Variants in ERI1 observed in about 807,000 individuals in gnomAD.
The protein encoded by ERI1 is 3'-5' exoribonuclease 1.
In ERI1, 39 loss-of-function variants were observed where a neutral mutation model predicts 39.7. The observed-to-expected ratio is 0.98, with a 90% CI of 0.76 to 1.28. ERI1 has a LOEUF of 1.28. Among genes scored for constraint, ERI1 ranks in the 50% most tolerant of loss-of-function variants. The pLI is 0.00. For synonymous variants in ERI1, 204 were observed against 149.6 expected (o/e 1.36, Z -2.65); for missense variants, 581 against 416.9 (o/e 1.39, Z -3.43).
In ERI1 at chr8:9,016,362, C is replaced by G; in HGVS notation, c.539C>G (p.Thr180Arg). The stretch of plus-strand genomic sequence containing the variant: ...CAGTATGTAAGACCAGAGATTAACA[C>G]ACAGCTGTCTGATTTCTGCATCAGT... ...FQQYVRPEIN[T>R]QLSDFCISLT... The change falls in exon 4 of 7, where the codon ACA (threonine) becomes AGA (arginine). Residue 180 changes from threonine to arginine, a missense_variant. Coordinates refer to ENST00000250263, the MANE Select transcript of ERI1 (RefSeq NM_153332.4). 1 of 1,607,416 alleles carries G rather than the reference C, an allele frequency of 6.2e-7. No individual in the cohort carries two copies. Among genetic ancestry groups the G allele is most frequent in the Non-Finnish European group, 8.5e-7 (1 of 1,176,566 alleles).
intron 3 of ERI1, among the ~76,000 whole-genome samples, chr8:9,087,823 G>C (rs1799579329): frequency 6.6e-6 from 1 of 152,120 alleles, no homozygotes; most frequent in Non-Finnish European, 1.5e-5. Flanking sequence ...ATTCAGGTAG[G>C]GACAACACAT....
At chr8:9,072,232 G>T (rs1247929007) in intron 3 of ERI1, among the ~76,000 whole-genome samples, 1 of 152,180 alleles carries the variant, frequency 6.6e-6, no homozygotes, top group Non-Finnish European at 1.5e-5. Flanking sequence ...GCCCTGTGAG[G>T]TTGCCGTGTT....
intron 6 of ERI1, among the ~76,000 whole-genome samples, chr8:9,025,746 A>G (rs758784264): frequency 1.3e-5 from 2 of 151,668 alleles, no homozygotes; most frequent in Non-Finnish European, 2.9e-5. Flanking sequence ...TACATAATAC[A>G]GGTTGAGTAT....
intron 1 of ERI1, among the ~76,000 whole-genome samples, chr8:9,006,897 G>C (rs543120663): frequency 1.6e-4 from 25 of 152,302 alleles, no homozygotes; most frequent in Admixed American, 1.6e-3. Flanking sequence ...ATCAGGATCA[G>C]TTCTGAGTTA....
chr8:9,048,054 C>A (rs1320871107), intron 3 of ERI1, among the ~76,000 whole-genome samples: 2 of 152,212 alleles, frequency 1.3e-5, no homozygotes. Context: ...GAACCTAGGT[C>A]CCCCAGACTC....
At chr8:9,027,149 ATGTGTGTG>A (rs140641752) in intron 6 of ERI1, among the ~76,000 whole-genome samples, 98 of 141,774 alleles carry the variant, frequency 6.9e-4, no homozygotes, top group African/African-American at 2.5e-3. Flanking sequence ...GTGTGTGTGT[ATGTGTGTG>A]TGTGTGTGTG....
intron 3 of ERI1, among the ~76,000 whole-genome samples, chr8:9,096,585 G>A (rs982095646): frequency 1.3e-5 from 2 of 152,102 alleles, no homozygotes; most frequent in Non-Finnish European, 2.9e-5. Context: ...GGCTGACCTC[G>A]GAAGTGTGGT....
chr8:9,083,094 T>G (rs918277987), intron 3 of ERI1, among the ~76,000 whole-genome samples: 2 of 152,228 alleles, frequency 1.3e-5, no homozygotes, highest in East Asian at 3.8e-4. Context: ...GGCCCTGCAT[T>G]TTTTATTTGC....
Position 9,020,901 on chromosome 8 carries a change from G to A in ERI1, c.807+437G>A, listed in dbSNP as rs1817816661. On this transcript the variant is annotated intron_variant, in intron 6 of 6. Coordinates refer to ENST00000250263, the MANE Select transcript of ERI1 (RefSeq NM_153332.4). ...TCTGAGGCAAACACTTTCAACTTAT[G>A]TAAAGCTCTGTTTTTGTTTTTGTTT... 2.0e-5 allele frequency among the ~76,000 whole-genome samples: 3 copies of A among 152,244 alleles called. No homozygotes were observed. In the South Asian group the frequency reaches 6.2e-4, roughly 32 times the overall value.
At chr8:9,067,451 GGT>G (rs1798916092) in intron 3 of ERI1, among the ~76,000 whole-genome samples, 1 of 149,832 alleles carries the variant, frequency 6.7e-6, no homozygotes, top group African/African-American at 2.5e-5. Context: ...AAAAAAGAAA[GGT>G]GACCTAGCCT....
At chr8:9,059,254 G>A (rs1395798413) in intron 3 of ERI1, among the ~76,000 whole-genome samples, 2 of 152,192 alleles carry the variant, frequency 1.3e-5, no homozygotes, top group African/African-American at 4.8e-5. Context: ...CGGCCATCTG[G>A]ATGTGTACAT....
In ERI1 at chr8:9,031,204, A is replaced by C. The variant is rs1355134147; in HGVS notation, c.*1170A>C. ...AAAAATTGTGATGCTACTTTATTCT[A>C]AAGATTTATATTTTATAACCAGATG... is the stretch of plus-strand genomic sequence containing the variant. On this transcript the variant is annotated 3_prime_UTR_variant, in exon 7 of 7. Coordinates refer to ENST00000250263, the MANE Select transcript of ERI1 (RefSeq NM_153332.4). 1 of 152,316 alleles carries C rather than the reference A, an allele frequency of 6.6e-6. No homozygotes were observed. Among genetic ancestry groups the C allele is most frequent in the East Asian group, 1.9e-4 (1 of 5,190 alleles). The allele number at this position is 152,316 out of a possible 1,614,324, so 9.4% of individuals were successfully genotyped here.
At chr8:9,092,787 A>G (rs1799748814) in intron 3 of ERI1, among the ~76,000 whole-genome samples, 2 of 152,338 alleles carry the variant, frequency 1.3e-5, no homozygotes, top group Admixed American at 6.5e-5. Flanking sequence ...CTGCCATAAC[A>G]AAGTAACAGA....
chr8:9,056,222 C>G (rs560798148), intron 3 of ERI1, among the ~76,000 whole-genome samples: 10 of 152,354 alleles, frequency 6.6e-5, no homozygotes, highest in Admixed American at 5.2e-4. Flanking sequence ...GACACTGTCT[C>G]TGCGGATTTG....
intron 3 of ERI1, among the ~76,000 whole-genome samples, chr8:9,014,455 A>C (rs1817015275): frequency 6.6e-6 from 1 of 152,036 alleles, no homozygotes; most frequent in African/African-American, 2.4e-5. Context: ...GGAGTCTCCT[A>C]CTTTATCTTC....
intron 3 of ERI1, among the ~76,000 whole-genome samples, chr8:9,078,156 A>C (rs1456973174): frequency 6.6e-6 from 1 of 151,858 alleles, no homozygotes; most frequent in Non-Finnish European, 1.5e-5. Context: ...CGCCTGGCTA[A>C]TTTTTGTATT....
intron 3 of ERI1, among the ~76,000 whole-genome samples, chr8:9,084,686 G>A (rs1242853812): frequency 1.3e-5 from 2 of 152,164 alleles, no homozygotes; most frequent in Non-Finnish European, 2.9e-5. Flanking sequence ...AGATGACCCA[G>A]GAAAATATTC....
chr8:9,034,236 C>G (rs1208527630), downstream of ERI1, among the ~76,000 whole-genome samples: 1 of 152,250 alleles, frequency 6.6e-6, no homozygotes, highest in Admixed American at 6.5e-5. Context: ...AGTGAATGTT[C>G]TCAAGGTAAA....
chr8:9,055,284 A>G (rs1377674978), intron 3 of ERI1, among the ~76,000 whole-genome samples: 2 of 152,244 alleles, frequency 1.3e-5, no homozygotes, highest in African/African-American at 2.4e-5. Context: ...ACAAGAGAAG[A>G]CTACAGTCTA....
Sources: gnomAD v4.1 joint callset for allele counts (sites outside exome capture counted in the v4.1 genomes callset) on GRCh38, gnomAD v4.1.1 for gene constraint, MANE v1.5 for transcripts, NCBI Gene and HGNC (gene_info 2026-07-23, HGNC 2026-07-21) for gene names.